INSC: variants seen among roughly 807,000 people sequenced by gnomAD.
INSC encodes INSC spindle orientation adaptor protein.
A neutral mutation model predicts 58.6 loss-of-function variants in INSC; 67 were observed. That is an observed-to-expected ratio of 1.14 (90% CI 0.94 to 1.40). INSC has a LOEUF of 1.40. INSC is among the 40% of genes most tolerant of loss of function. INSC has a pLI of 0.00. For missense variants in INSC, 714 were observed against 692.0 expected, an observed-to-expected ratio of 1.03 and a Z score of -0.36; for synonymous variants, 262 against 276.1, an observed-to-expected ratio of 0.95 and a Z score of 0.51.
At position 15,246,038 on chromosome 11, in the gene INSC, T is replaced by C; in HGVS notation, c.1597T>C (p.Ter533GlnextTer1). ...CAGCAACATGGAGGAGAGTTTTGTG[T>C]AGTGAGTGTGGGCGAAGAAATACAT... is the stretch of plus-strand genomic sequence containing the variant. The part of the protein sequence containing the change: ...LCSNMEESFV[*>Q] Residue 533 changes from the stop codon to glutamine, a stop_lost, in exon 13 of 13, where the codon TAG (stop) becomes CAG (glutamine). Coordinates refer to ENST00000379556, the MANE Select transcript of INSC (RefSeq NM_001042536.3). 2 of 1,614,160 alleles carry C rather than the reference T, an allele frequency of 1.2e-6. No individual in the cohort carries two copies. Among genetic ancestry groups the C allele is most frequent in the Non-Finnish European group, 1.7e-6 (2 of 1,179,990 alleles).
chr11:15,248,826 A>G (rs1406861517), downstream of INSC, among the ~76,000 whole-genome samples: 1 of 152,178 alleles, frequency 6.6e-6, no homozygotes, highest in Admixed American at 6.5e-5. Flanking sequence ...CAAATAACAA[A>G]AGTTTTAGTA....
the INSC span, among the ~76,000 whole-genome samples, chr11:15,255,228 C>T: frequency 2.0e-5 from 3 of 152,186 alleles, no homozygotes; most frequent in East Asian, 5.8e-4. Flanking sequence ...AATACTTCGG[C>T]AAATTCCAAA....
At chr11:15,212,413 G>A (rs900445528) in intron 7 of INSC, among the ~76,000 whole-genome samples, 12 of 152,154 alleles carry the variant, frequency 7.9e-5, no homozygotes, top group East Asian at 5.8e-4. Flanking sequence ...AATTACAGGC[G>A]TGAGCCACTG....
chr11:15,250,116 G>T (rs1852634611), downstream of INSC, among the ~76,000 whole-genome samples: 1 of 152,232 alleles, frequency 6.6e-6, no homozygotes, highest in Non-Finnish European at 1.5e-5. Context: ...ACTGTGTCTA[G>T]ATGGGGAAAT....
chr11:15,184,054 G>A (rs1564890373), intron 5 of INSC, among the ~76,000 whole-genome samples: 1 of 151,992 alleles, frequency 6.6e-6, no homozygotes, highest in Non-Finnish European at 1.5e-5. Flanking sequence ...AATTACATAT[G>A]CTTTTTAAAT....
At chr11:15,221,456 G>A (rs1415805509) in intron 7 of INSC, 21 bp from the exon 8 acceptor site, 2 of 1,591,646 alleles carry the variant, frequency 1.3e-6, no homozygotes, top group Non-Finnish European at 1.7e-6. Flanking sequence ...GCACAGGGGA[G>A]CTCCCTCTCT....
intron 1 of INSC, among the ~76,000 whole-genome samples, chr11:15,117,095 C>T (rs757129800): frequency 2.6e-4 from 39 of 151,136 alleles, no homozygotes; most frequent in Non-Finnish European, 3.1e-4. Flanking sequence ...ACCCCCACCA[C>T]CATGCCCAGC....
intron 1 of INSC, among the ~76,000 whole-genome samples, chr11:15,134,718 AC>A (rs1295348895): frequency 1.3e-5 from 2 of 151,550 alleles, no homozygotes; most frequent in African/African-American, 4.8e-5. Flanking sequence ...AGTTGCTATG[AC>A]CCCCCAATAT....
chr11:15,148,287 G>A (rs1167670146), intron 1 of INSC, among the ~76,000 whole-genome samples: 1 of 152,188 alleles, frequency 6.6e-6, no homozygotes, highest in Non-Finnish European at 1.5e-5. Flanking sequence ...GAAGCCTAGA[G>A]CTGGGCCAGA....
intron 7 of INSC, among the ~76,000 whole-genome samples, chr11:15,201,464 G>A (rs1359520778): frequency 6.6e-6 from 1 of 152,206 alleles, no homozygotes; most frequent in Non-Finnish European, 1.5e-5. Flanking sequence ...ACTGGGCCAA[G>A]ATGGCGTGGG....
At chr11:15,265,065 A>G in the INSC span, among the ~76,000 whole-genome samples, 1 of 152,164 alleles carries the variant, frequency 6.6e-6, no homozygotes, top group African/African-American at 2.4e-5. Context: ...CTGAAATGCA[A>G]CAAGGAATGA....
At chr11:15,229,950 ATATATATATT>A (rs1164042187) in intron 9 of INSC, among the ~76,000 whole-genome samples, 22 of 6,770 alleles carry the variant, frequency 3.2e-3, no homozygotes, top group African/African-American at 0.013. Flanking sequence ...ATATAATATT[ATATATATATT>A]TATATATATA....
intron 9 of INSC, among the ~76,000 whole-genome samples, chr11:15,232,758 G>A (rs1851972913): frequency 6.6e-6 from 1 of 152,130 alleles, no homozygotes; most frequent in Non-Finnish European, 1.5e-5. Context: ...GGAGGGAAGA[G>A]GGTCAGAGTC....
chr11:15,235,760 T>A, intron 10 of INSC, 92 bp downstream of exon 10: 1 of 1,082,838 alleles, frequency 9.2e-7, no homozygotes, highest in Non-Finnish European at 1.4e-6. Flanking sequence ...TGCAGGTATG[T>A]AAATAGGTAC....
chr11:15,167,547 ACCTCCTGGGCTCAAGTGAT>A (rs1047898686), intron 2 of INSC, among the ~76,000 whole-genome samples: 2 of 151,744 alleles, frequency 1.3e-5, no homozygotes, highest in Non-Finnish European at 2.9e-5. Context: ...TGCAGCCTTG[ACCTCCTGGGCTCAAGTGAT>A]CCTCCTGCCT....
chr11:15,201,362 G>T (rs140742000), intron 7 of INSC, among the ~76,000 whole-genome samples: 16 of 152,310 alleles, frequency 1.1e-4, no homozygotes, highest in Admixed American at 2.0e-4. Flanking sequence ...GAGCAGGGCA[G>T]CACTGGGTGT....
At chr11:15,215,985 A>G (rs1851202995) in intron 7 of INSC, among the ~76,000 whole-genome samples, 1 of 152,186 alleles carries the variant, frequency 6.6e-6, no homozygotes, top group Non-Finnish European at 1.5e-5. Context: ...GTTTGGAATT[A>G]TATATAAAAT....
chr11:15,183,013 T>A (rs1314897352), intron 5 of INSC, among the ~76,000 whole-genome samples: 2 of 152,156 alleles, frequency 1.3e-5, no homozygotes, highest in African/African-American at 4.8e-5. Context: ...ATGAATTATT[T>A]CCATGCTTTA....
chr11:15,234,059 T>A (rs183748462), intron 9 of INSC, among the ~76,000 whole-genome samples: 17 of 152,344 alleles, frequency 1.1e-4, no homozygotes, highest in Middle Eastern at 3.4e-3. Context: ...AGCCTCTAAG[T>A]CCTAAACCTC....
Sources: gnomAD v4.1 joint callset for allele counts (sites outside exome capture counted in the v4.1 genomes callset) on GRCh38, gnomAD v4.1.1 for gene constraint, MANE v1.5 for transcripts, NCBI Gene and HGNC (gene_info 2026-07-23, HGNC 2026-07-21) for gene names.